CNTNAP5: variants seen among roughly 807,000 people sequenced by gnomAD.
CNTNAP5 encodes contactin-associated protein-like 5.
A neutral mutation model predicts 150.2 loss-of-function variants in CNTNAP5; 72 were observed. The observed-to-expected ratio is 0.48, with a 90% CI of 0.40 to 0.58. The LOEUF is 0.58. Ranked by LOEUF, CNTNAP5 falls within the 20% of genes least tolerant of loss-of-function variation. CNTNAP5 has a pLI of 0.00. For missense variants in CNTNAP5, 1,636 were observed against 1,626.2 expected (o/e 1.01, Z -0.10); for synonymous variants, 672 against 619.8 (o/e 1.08, Z -1.25).
At chr2:124,797,694 A>G (rs1009460453) in intron 18 of CNTNAP5, among the ~76,000 whole-genome samples, 5 of 152,210 alleles carry the variant, frequency 3.3e-5, no homozygotes, top group African/African-American at 4.8e-5. Flanking sequence ...TCAGGTTCTC[A>G]GTTTTGGGAG....
At chr2:124,190,272 T>C (rs1372280187) in intron 1 of CNTNAP5, among the ~76,000 whole-genome samples, 3 of 152,242 alleles carry the variant, frequency 2.0e-5, no homozygotes, top group Non-Finnish European at 4.4e-5. Flanking sequence ...AATGATGTTT[T>C]TGAGCAAACT....
intron 3 of CNTNAP5, among the ~76,000 whole-genome samples, chr2:124,375,304 C>T (rs2104731543): frequency 6.6e-6 from 1 of 152,204 alleles, no homozygotes; most frequent in Admixed American, 6.5e-5. Context: ...CTGACCCCAG[C>T]ATAACTGGTA....
At chr2:124,100,864 C>CAAAAAAAAAAAAAAAAAAAAAAAAAA in intron 1 of CNTNAP5, among the ~76,000 whole-genome samples, 1 of 88,050 alleles carries the variant, frequency 1.1e-5, no homozygotes, top group Non-Finnish European at 2.3e-5. Flanking sequence ...GACTCTGTCT[C>CAAAAAAAAAAAAAAAAAAAAAAAAAA]AAAAAAAAAA....
At chr2:124,745,494 T>C (rs1220223209) in intron 13 of CNTNAP5, among the ~76,000 whole-genome samples, 1 of 152,180 alleles carries the variant, frequency 6.6e-6, no homozygotes, top group Non-Finnish European at 1.5e-5. Context: ...CTGAATGTGC[T>C]CCATGCTCCA....
At chr2:124,698,277 C>G (rs1029515513) in intron 13 of CNTNAP5, among the ~76,000 whole-genome samples, 1 of 151,616 alleles carries the variant, frequency 6.6e-6, no homozygotes, top group African/African-American at 2.4e-5. Context: ...ATTTCTTGGT[C>G]TCTGAAATTT....
chr2:124,628,947 A>G (rs1310726139), intron 12 of CNTNAP5, among the ~76,000 whole-genome samples: 1 of 152,176 alleles, frequency 6.6e-6, no homozygotes, highest in East Asian at 1.9e-4. Flanking sequence ...TAAGCCAACA[A>G]AGGTAAAAAA....
chr2:124,811,070 A>G (rs1558785033), intron 19 of CNTNAP5, among the ~76,000 whole-genome samples: 1 of 152,160 alleles, frequency 6.6e-6, no homozygotes, highest in Admixed American at 6.5e-5. Flanking sequence ...TATCACTTGC[A>G]TGCATATATC....
intron 12 of CNTNAP5, among the ~76,000 whole-genome samples, chr2:124,635,855 C>A (rs905166882): frequency 6.6e-6 from 1 of 152,156 alleles, no homozygotes; most frequent in Admixed American, 6.5e-5. Flanking sequence ...ACAGGAACAC[C>A]AATCAGCCTG....
At chr2:124,277,455 G>A (rs1247770919) in intron 3 of CNTNAP5, among the ~76,000 whole-genome samples, 1 of 152,144 alleles carries the variant, frequency 6.6e-6, no homozygotes, top group Non-Finnish European at 1.5e-5. Context: ...ATGATATACA[G>A]GAGTGATGCA....
chr2:124,560,718 C>T (rs777341312), intron 10 of CNTNAP5, among the ~76,000 whole-genome samples: 4 of 151,968 alleles, frequency 2.6e-5, no homozygotes, highest in Non-Finnish European at 5.9e-5. Context: ...ATGAAAATAG[C>T]CAGCTCTTAG....
At chr2:124,822,933 A>G (rs1451479815) in intron 19 of CNTNAP5, among the ~76,000 whole-genome samples, 1 of 152,234 alleles carries the variant, frequency 6.6e-6, no homozygotes, top group Admixed American at 6.5e-5. Flanking sequence ...CCCGAGTCCC[A>G]ACTCTACCAA....
intron 3 of CNTNAP5, among the ~76,000 whole-genome samples, chr2:124,276,659 C>T (rs1687889851): frequency 6.6e-6 from 1 of 152,116 alleles, no homozygotes; most frequent in Non-Finnish European, 1.5e-5. Context: ...TGTGACAGGG[C>T]CTTTCCCCCA....
intron 14 of CNTNAP5, among the ~76,000 whole-genome samples, chr2:124,755,737 A>T (rs1237133183): frequency 6.6e-6 from 1 of 152,204 alleles, no homozygotes; most frequent in African/African-American, 2.4e-5. Context: ...TCCTTTGCAC[A>T]TCTGTCTTAT....
Position 124,066,561 on chromosome 2 carries a change from A to G in CNTNAP5, c.82+40829A>G, listed in dbSNP as rs557442046. On this transcript the variant is annotated intron_variant, in intron 1 of 23. Transcript: ENST00000682447. The stretch of plus-strand genomic sequence containing the variant: ...TATTGTGCTTGGGACCTTCGATGTG[A>G]AGACCCCACCTGGTCAGACACTTGA... Among the ~76,000 whole-genome samples the G allele has an allele frequency of 2.0e-4, 30 of 152,260 alleles. No homozygotes were observed. The South Asian group carries it at 2.9e-3, about 15-fold the overall frequency.
At chr2:124,562,715 A>G (rs1695921932) in intron 10 of CNTNAP5, among the ~76,000 whole-genome samples, 1 of 152,174 alleles carries the variant, frequency 6.6e-6, no homozygotes, top group African/African-American at 2.4e-5. Flanking sequence ...TGCATTTTAG[A>G]TGAACAAATA....
At chr2:124,119,915 C>T (rs1683521122) in intron 1 of CNTNAP5, among the ~76,000 whole-genome samples, 2 of 152,164 alleles carry the variant, frequency 1.3e-5, no homozygotes, top group South Asian at 2.1e-4. Flanking sequence ...GTGTTGGACA[C>T]TGTAAAGCAG....
intron 7 of CNTNAP5, among the ~76,000 whole-genome samples, chr2:124,482,563 G>T (rs1693784802): frequency 6.6e-6 from 1 of 152,164 alleles, no homozygotes; most frequent in Non-Finnish European, 1.5e-5. Context: ...TGATCTCTGA[G>T]TATTGAAGAC....
At chr2:124,506,779 C>G (rs1412081263) in intron 8 of CNTNAP5, among the ~76,000 whole-genome samples, 1 of 151,964 alleles carries the variant, frequency 6.6e-6, no homozygotes, top group Non-Finnish European at 1.5e-5. Context: ...ATCAGAAATC[C>G]AGGGACAACT....
At chr2:124,415,044 A>G (rs921768173) in intron 3 of CNTNAP5, among the ~76,000 whole-genome samples, 2 of 152,176 alleles carry the variant, frequency 1.3e-5, no homozygotes, top group Non-Finnish European at 2.9e-5. Context: ...ACGCAAGGAC[A>G]TTTTAAAAGA....
Sources: gnomAD v4.1 joint callset for allele counts (sites outside exome capture counted in the v4.1 genomes callset) on GRCh38, gnomAD v4.1.1 for gene constraint, MANE v1.5 for transcripts, NCBI Gene and HGNC (gene_info 2026-07-23, HGNC 2026-07-21) for gene names.